The following FAM107A variants were observed in gnomAD, a reference collection of about 807,000 sequenced individuals.
The protein encoded by FAM107A is family with sequence similarity 107 member A.
FAM107A carries 19 observed loss-of-function variants against 13.7 expected under a neutral mutation model. That is an observed-to-expected ratio of 1.38 (90% CI 0.97 to 2.03). The LOEUF is 2.03. FAM107A is among the 30% of genes most tolerant of loss of function. The pLI is 0.00. For synonymous variants in FAM107A, 82 were observed against 74.5 expected (o/e 1.10, Z -0.52); for missense variants, 203 against 184.4 (o/e 1.10, Z -0.58).
At chr3:58,589,788 T>A (rs1249522066), upstream of FAM107A, among the ~76,000 whole-genome samples, 1 of 152,228 alleles carries the variant, frequency 6.6e-6, no homozygotes, top group Non-Finnish European at 1.5e-5. Flanking sequence ...AGTCATCATG[T>A]CCCCTCTGGC....
intron 1 of FAM107A, among the ~76,000 whole-genome samples, chr3:58,616,526 AACACACACACACACAC>A (rs59230021): frequency 1.7e-4 from 24 of 137,862 alleles, no homozygotes; most frequent in Admixed American, 5.1e-4. Context: ...ATAAGAGGAG[AACACACACACACACAC>A]ACACACACAC....
intron 1 of FAM107A, chr3:58,570,521 A>T (rs1158585566): frequency 3.0e-5 from 7 of 233,278 alleles, no homozygotes; most frequent in Non-Finnish European, 4.9e-5. Flanking sequence ...AAATTCAGAC[A>T]CAAGGGCTCC....
At chr3:58,596,426 C>A (rs915283514) in intron 1 of FAM107A, among the ~76,000 whole-genome samples, 1 of 152,022 alleles carries the variant, frequency 6.6e-6, no homozygotes, top group African/African-American at 2.4e-5. Context: ...GCCTGTAATC[C>A]CAGCACTTTG....
rs371936664 is a variant in FAM107A, at chr3:58,598,556, G to A, written c.-69-9287C>T. ...TTTCCATACCTGGACTTGGTGCATG[G>A]GTTGTTTCATTCCCCTTAAATGCTT... On this transcript the variant is annotated intron_variant, in intron 1 of 3. Coordinates refer to the FAM107A transcript ENST00000465970. 6.6e-4 allele frequency among the ~76,000 whole-genome samples: 101 copies of A among 152,290 alleles called. 1 individual carries two copies. The East Asian group carries it at 0.012, about 18-fold the overall frequency.
intron 1 of FAM107A, among the ~76,000 whole-genome samples, chr3:58,601,172 T>C (rs781515570): frequency 5.3e-5 from 8 of 152,236 alleles, no homozygotes; most frequent in Non-Finnish European, 7.3e-5. Flanking sequence ...ATTTTCATTA[T>C]ATAATGATAA....
At chr3:58,571,811 T>G (rs937205643) in intron 1 of FAM107A, among the ~76,000 whole-genome samples, 4 of 152,230 alleles carry the variant, frequency 2.6e-5, no homozygotes, top group Non-Finnish European at 5.9e-5. Flanking sequence ...CATGCCACAC[T>G]TTAATAACTA....
intron 1 of FAM107A, among the ~76,000 whole-genome samples, chr3:58,593,193 C>G (rs2065668265): frequency 6.6e-6 from 1 of 152,218 alleles, no homozygotes; most frequent in African/African-American, 2.4e-5. Flanking sequence ...CAAGTGCTCT[C>G]CCCTACTTCC....
upstream of FAM107A, among the ~76,000 whole-genome samples, chr3:58,581,502 C>G (rs2065541891): frequency 6.6e-6 from 1 of 152,202 alleles, no homozygotes; most frequent in Non-Finnish European, 1.5e-5. Context: ...AAACTTCCTC[C>G]TCAGCCCTGT....
intron 1 of FAM107A, among the ~76,000 whole-genome samples, chr3:58,595,514 GTAATAGTCTCCCCGCCC>G (rs2065691877): frequency 1.3e-5 from 2 of 152,060 alleles, no homozygotes; most frequent in African/African-American, 4.8e-5. Context: ...AAGGTATGTT[GTAATAGTCTCCCCGCCC>G]TTGAGAATGT....
At chr3:58,582,842 A>G (rs1396433002) in intron 1 of FAM107A, among the ~76,000 whole-genome samples, 1 of 152,210 alleles carries the variant, frequency 6.6e-6, no homozygotes, top group Non-Finnish European at 1.5e-5. Flanking sequence ...CTCTGTTGCC[A>G]GGCTGGAGGG....
chr3:58,598,726 A>T (rs1310393749), intron 1 of FAM107A, among the ~76,000 whole-genome samples: 3 of 151,416 alleles, frequency 2.0e-5, no homozygotes, highest in Admixed American at 2.0e-4. Flanking sequence ...CTGAGTCATC[A>T]CTCTTTTTGA....
At chr3:58,625,006 A>C (rs1444412097) in intron 1 of FAM107A, among the ~76,000 whole-genome samples, 1 of 151,746 alleles carries the variant, frequency 6.6e-6, no homozygotes, top group Non-Finnish European at 1.5e-5. Flanking sequence ...GGGGCTGAGG[A>C]AGATGCTGTG....
At position 58,570,987 on chromosome 3, in the gene FAM107A, T is replaced by C. The variant is rs955900168; in HGVS notation, c.-5-1122A>G. Among the ~76,000 whole-genome samples the C allele has an allele frequency of 3.3e-4, 51 of 152,358 alleles. 1 individual carries two copies. The highest frequency in any genetic ancestry group is 1.1e-3 in the African/African-American group (46 of 41,582). ...TTCAGCCCCTGCTTGAGGGCCACCA[T>C]GTTGCCTGTGGACAGACTCTCATTT... On this transcript the variant is annotated intron_variant, in intron 1 of 3. Transcript: ENST00000360997.
rs1164377277 is a variant in FAM107A, at chr3:58,567,211, G to A, written c.324C>T (p.Asn108=). 4.3e-6 allele frequency: 7 copies of A among 1,614,040 alleles called. No individual in the cohort carries two copies. In the Admixed American group the frequency reaches 8.3e-5, roughly 19 times the overall value. Residue 108 remains asparagine (N), a synonymous_variant, in exon 3 of 4, where the codon AAC becomes AAT. Transcript: ENST00000360997. ...QELLRRQQRL[N]QLEKPPEKEE... is the part of the protein sequence containing the mutation. ...CTGCTGGGTGCCCATCACCCACCTG[G>A]TTCAGCCTCTGCTGCCGTCTCAGCA...
chr3:58,605,005 G>T (rs1029947165), intron 1 of FAM107A, among the ~76,000 whole-genome samples: 1 of 152,144 alleles, frequency 6.6e-6, no homozygotes, highest in African/African-American at 2.4e-5. Context: ...GCTTGTTTTT[G>T]CACTCCTGCA....
intron 1 of FAM107A, among the ~76,000 whole-genome samples, chr3:58,626,072 C>T (rs1270715886): frequency 1.3e-5 from 2 of 152,132 alleles, no homozygotes; most frequent in Non-Finnish European, 1.5e-5. Flanking sequence ...GTCATCGCCA[C>T]GGTAGGTGGG....
chr3:58,581,317 A>C (rs1247872724), upstream of FAM107A, among the ~76,000 whole-genome samples: 1 of 152,244 alleles, frequency 6.6e-6, no homozygotes, highest in East Asian at 1.9e-4. Flanking sequence ...GGCAGTCCTG[A>C]CAGGGAGGTG....
rs1408344471 is a variant in FAM107A at position 58,566,542 on chromosome 3, G to A, written c.*46C>T. On this transcript the variant is annotated 3_prime_UTR_variant, in exon 4 of 4. Coordinates refer to ENST00000360997, the MANE Select transcript of FAM107A (RefSeq NM_001076778.3). ...GCCAGGTACAGAAGGGCTGAAGGAGGCTGTCCAGGCCAGGGTGGGCAGTGG... is the reference window on the plus strand; with the variant it reads ...GCCAGGTACAGAAGGGCTGAAGGAGACTGTCCAGGCCAGGGTGGGCAGTGG... The A allele has an allele frequency of 2.8e-6, 4 of 1,407,292 alleles. No individual in the cohort carries two copies. Among genetic ancestry groups the A allele is most frequent in the East Asian group, 2.3e-5 (1 of 43,982 alleles). The allele number at this position is 1,407,292 out of a possible 1,614,324, so 87.2% of individuals were successfully genotyped here.
Position 58,566,670 on chromosome 3 carries a change from T to G in FAM107A, c.353A>C (p.Glu118Ala). The G allele has an allele frequency of 6.2e-7, 1 of 1,613,932 alleles. No homozygotes were observed. Among genetic ancestry groups the G allele is most frequent in the Non-Finnish European group, 8.5e-7 (1 of 1,179,858 alleles). Residue 118 changes from glutamate (E) to alanine (A), a missense_variant, in exon 4 of 4, where the codon GAG becomes GCG. By Grantham distance (107) the Glu-to-Ala change is moderately radical (BLOSUM62 -1). Transcript: ENST00000360997. ...NQLEKPPEKE[E>A]DHAPEFIKVR... ...TTTAATAAACTCGGGGGCGTGATCC[T>G]CTTCCTTCTCTGGTGGTTTTTCCAG...
Sources: gnomAD v4.1 joint callset for allele counts (sites outside exome capture counted in the v4.1 genomes callset) on GRCh38, gnomAD v4.1.1 for gene constraint, MANE v1.5 for transcripts, NCBI Gene and HGNC (gene_info 2026-07-23, HGNC 2026-07-21) for gene names.